MAN2B2: variants seen among roughly 807,000 people sequenced by gnomAD.
The protein encoded by MAN2B2 is mannosidase alpha class 2B member 2, also known as epididymis-specific alpha-mannosidase.
In MAN2B2, 106 loss-of-function variants were observed where a neutral mutation model predicts 117.1. That is an observed-to-expected ratio of 0.90 (90% CI 0.77 to 1.06). The LOEUF (loss-of-function observed/expected upper bound fraction) is 1.06, where lower values mean the gene tolerates loss of function less well. Among genes scored for constraint, MAN2B2 ranks in the 50% least tolerant of loss-of-function variants. The probability of loss-of-function intolerance (pLI) is 0.00; values close to 1 mark genes in which losing one functional copy is unlikely to be tolerated. For missense variants in MAN2B2, 1,326 were observed against 1,381.4 expected (o/e 0.96, Z 0.64); for synonymous variants, 544 against 595.1 (o/e 0.91, Z 1.25).
intron 9 of MAN2B2, 149 bp downstream of exon 9, chr4:6,598,503 C>T: frequency 1.2e-6 from 1 of 804,390 alleles, no homozygotes; most frequent in South Asian, 2.0e-5. Context: ...GGACAGGTGG[C>T]TTCAGTCCTC....
intron 10 of MAN2B2, among the ~76,000 whole-genome samples, chr4:6,604,491 A>T (rs1348164357): frequency 9.2e-6 from 1 of 108,876 alleles, no homozygotes; most frequent in East Asian, 2.5e-4. Context: ...GGGATGGGGA[A>T]GGGGAGTGAC....
At chr4:6,578,718 A>G (rs372665889) in intron 3 of MAN2B2, among the ~76,000 whole-genome samples, 2 of 152,252 alleles carry the variant, frequency 1.3e-5, no homozygotes, top group Admixed American at 6.5e-5. Context: ...GATGGTCTCA[A>G]TATATCCTGG....
At chr4:6,598,119 CGCCTAGTAGGT>C in intron 8 of MAN2B2, 68 bp from the exon 9 acceptor site, 1 of 1,487,700 alleles carries the variant, frequency 6.7e-7, no homozygotes, top group East Asian at 2.3e-5. Context: ...TGAGAGCCAG[CGCCTAGTAGGT>C]GCCTTGTAGG....
At chr4:6,617,839 A>T in intron 17 of MAN2B2, 3 of 190,816 alleles carry the variant, frequency 1.6e-5, no homozygotes, top group Admixed American at 7.5e-5. Flanking sequence ...CGCCACCACG[A>T]TGGCTAAGTT....
In MAN2B2 at chr4:6,619,768, T is replaced by C. The variant is rs995815179; in HGVS notation, c.2815-159T>C. The C allele has an allele frequency of 2.3e-5, 15 of 662,748 alleles. No homozygotes were observed. In the African/African-American group the frequency reaches 2.5e-4, roughly 11 times the overall value. The allele number at this position is 662,748 out of a possible 1,614,324, so 41.1% of individuals were successfully genotyped here. A position where few individuals can be genotyped will look rare whatever the true frequency, so the allele number is the denominator to read the frequency against. On this transcript the variant is annotated intron_variant, in intron 17 of 18. Transcript: ENST00000285599. ...GCCAGTCCTGTCCTCGCAGATGTGC[T>C]GTGAGAAGCAGATGAGGGAGCTGTG... is the stretch of plus-strand genomic sequence containing the variant.
intron 3 of MAN2B2, among the ~76,000 whole-genome samples, chr4:6,582,751 A>C (rs10937746): frequency 8.3e-4 from 126 of 151,696 alleles, no homozygotes; most frequent in Admixed American, 1.6e-3. Flanking sequence ...CCTCAACATC[A>C]TAAAGCAAGA....
intron 3 of MAN2B2, among the ~76,000 whole-genome samples, chr4:6,585,408 A>G (rs1291774326): frequency 1.3e-5 from 2 of 152,200 alleles, no homozygotes; most frequent in African/African-American, 4.8e-5. Context: ...GGTGTTAGAA[A>G]GATTATATTT....
In MAN2B2 at chr4:6,593,353, A is replaced by G. The variant is rs1289249777; in HGVS notation, c.858+3A>G. On this transcript the variant is annotated splice_donor_region_variant and intron_variant, in intron 6 of 18. Coordinates refer to ENST00000285599, the MANE Select transcript of MAN2B2 (RefSeq NM_015274.3). ...CACCGCACGTCCTCTGGCCCTGGGT[A>G]AGGCAGAGTCCCAGGTGCTGTGCCC... 1.2e-6 allele frequency: 2 copies of G among 1,610,468 alleles called. No individual in the cohort carries two copies. The highest frequency in any genetic ancestry group is 1.7e-6 in the Non-Finnish European group (2 of 1,178,510).
intron 12 of MAN2B2, 52 bp downstream of exon 12, chr4:6,609,350 T>C (rs1727676763): frequency 1.3e-6 from 2 of 1,558,918 alleles, no homozygotes; most frequent in African/African-American, 2.7e-5. Context: ...AGCGCACGCG[T>C]GCAGGCAGCT....
intron 15 of MAN2B2, among the ~76,000 whole-genome samples, chr4:6,613,458 C>T (rs1238318653): frequency 1.3e-5 from 2 of 151,990 alleles, no homozygotes; most frequent in Non-Finnish European, 2.9e-5. Flanking sequence ...GCCCATAGTC[C>T]CAGCTACTTG....
rs80153517 is a variant in MAN2B2, at chr4:6,605,911, C to T, written c.1814+582C>T. On this transcript the variant is annotated intron_variant, in intron 11 of 18. Coordinates refer to ENST00000285599, the MANE Select transcript of MAN2B2 (RefSeq NM_015274.3). Reference sequence around the variant, plus strand: ...TCCATCCATCCACTCACCCAACCACCCATTCATTCATTCATTCATTCATTC... The same window carrying T: ...TCCATCCATCCACTCACCCAACCACTCATTCATTCATTCATTCATTCATTC... Among the ~76,000 whole-genome samples, 207 of 151,008 alleles carry T rather than the reference C, an allele frequency of 1.4e-3. 2 individuals are homozygous for T. Among genetic ancestry groups the T allele is most frequent in the African/African-American group, 4.7e-3 (192 of 40,930 alleles).
intron 3 of MAN2B2, among the ~76,000 whole-genome samples, chr4:6,581,321 T>A (rs924488711): frequency 2.0e-5 from 3 of 152,134 alleles, no homozygotes; most frequent in Non-Finnish European, 4.4e-5. Flanking sequence ...AACAGCCTGG[T>A]AGCAAGTGGT....
rs1456752977 is a variant in MAN2B2 at position 6,578,515 on chromosome 4, C to G, written c.391+17C>G. 2 of 1,607,418 alleles carry G rather than the reference C, an allele frequency of 1.2e-6. No homozygotes were observed. The highest frequency in any genetic ancestry group is 1.7e-6 in the Non-Finnish European group (2 of 1,176,290). On this transcript the variant is annotated intron_variant, in intron 3 of 18. Coordinates refer to ENST00000285599, the MANE Select transcript of MAN2B2 (RefSeq NM_015274.3). ...AGCTCACAGGTTTGGCCACCCTACC[C>G]TGCACCCAGGGTCCCTCAGGACCTC...
chr4:6,583,356 G>A (rs1311386470), intron 3 of MAN2B2, among the ~76,000 whole-genome samples: 2 of 152,202 alleles, frequency 1.3e-5, no homozygotes, highest in East Asian at 3.9e-4. Flanking sequence ...TTGCAAAGGA[G>A]GCTGGGGAAT....
chr4:6,611,328 C>T, intron 15 of MAN2B2, 50 bp downstream of exon 15: 1 of 1,526,916 alleles, frequency 6.5e-7, no homozygotes. Flanking sequence ...CAGCACCAGC[C>T]AGGCCAGGGC....
At chr4:6,620,444 C>G (rs4234766) in intron 18 of MAN2B2, 199,719 of 203,634 alleles carry the variant, frequency 0.98, 98,063 homozygotes, top group Non-Finnish European at 1. Context: ...CCAGGCTCCA[C>G]TCCCTGTCCG....
At position 6,621,412 on chromosome 4, in the gene MAN2B2, T is replaced by A. The variant is rs978769857; in HGVS notation, c.*127T>A. ...AGTCAGCTGCTCATCTGCAGGCTAA[T>A]GGCAGGAAATGGTCATATTTGGGGT... On this transcript the variant is annotated 3_prime_UTR_variant, in exon 19 of 19. Coordinates refer to ENST00000285599, the MANE Select transcript of MAN2B2 (RefSeq NM_015274.3). 1 of 672,846 alleles carries A rather than the reference T, an allele frequency of 1.5e-6. No homozygotes were observed. The highest frequency in any genetic ancestry group is 1.8e-5 in the African/African-American group (1 of 54,818). The allele number at this position is 672,846 out of a possible 1,614,324, so 41.7% of individuals were successfully genotyped here.
intron 16 of MAN2B2, among the ~76,000 whole-genome samples, chr4:6,616,248 T>C (rs1452506393): frequency 6.6e-6 from 1 of 152,220 alleles, no homozygotes; most frequent in Non-Finnish European, 1.5e-5. Context: ...CTCCAGGACC[T>C]TGAACTCAGT....
chr4:6,580,005 G>A (rs11730634), intron 3 of MAN2B2, among the ~76,000 whole-genome samples: 56,870 of 152,138 alleles, frequency 0.37, 11,033 homozygotes, highest in East Asian at 0.6. Flanking sequence ...CTGAAGCTCC[G>A]AGTCCACAGT....
Sources: allele counts gnomAD v4.1 joint callset (sites outside exome capture counted in the v4.1 genomes callset), GRCh38; gene constraint gnomAD v4.1.1; transcripts MANE v1.5; gene names NCBI Gene and HGNC (gene_info 2026-07-23, HGNC 2026-07-21).